PIEZO1: variants seen among roughly 807,000 people sequenced by gnomAD.
PIEZO1 encodes the protein piezo-type mechanosensitive ion channel component 1.
In PIEZO1, 296 loss-of-function variants were observed where a neutral mutation model predicts 297.2. That is an observed-to-expected ratio of 1.00 (90% confidence interval 0.91 to 1.10). PIEZO1 has a LOEUF of 1.10. Ranked by LOEUF, PIEZO1 falls within the 50% of genes least tolerant of loss-of-function variation. The probability of loss-of-function intolerance (pLI) is 0.00; values close to 1 mark genes in which losing one functional copy is unlikely to be tolerated. For missense variants in PIEZO1, 5,018 were observed against 3,455.5 expected (o/e 1.45, Z -11.34); for synonymous variants, 2,427 against 1,507.5 (o/e 1.61, Z -14.13).
chr16:88,720,836 C>CAG, intron 39 of PIEZO1, 88 bp from the exon 40 acceptor site: 1 of 1,356,752 alleles, frequency 7.4e-7, no homozygotes, highest in Non-Finnish European at 9.7e-7. Flanking sequence ...CTGGCATTCT[C>CAG]CCTGTTTGAC....
At chr16:88,745,777 G>A (rs1224551526) in intron 2 of PIEZO1, 1 of 151,872 alleles carries the variant, frequency 6.6e-6, no homozygotes, top group Admixed American at 6.6e-5. Flanking sequence ...AGGGGCCGGG[G>A]CTCCCCCTCC....
chr16:88,762,190 G>A (rs1906962393), intron 1 of PIEZO1, among the ~76,000 whole-genome samples: 1 of 152,196 alleles, frequency 6.6e-6, no homozygotes, highest in Admixed American at 6.5e-5. Flanking sequence ...TCTGTGAGCA[G>A]CAAGGTCTCC....
At chr16:88,748,080 C>A (rs529935628) in intron 2 of PIEZO1, among the ~76,000 whole-genome samples, 1 of 152,234 alleles carries the variant, frequency 6.6e-6, no homozygotes, top group Non-Finnish European at 1.5e-5. Context: ...ACAGTCACGC[C>A]CCCTGGTCCT....
chr16:88,744,752 C>T (rs951976425), intron 2 of PIEZO1, among the ~76,000 whole-genome samples: 1 of 152,004 alleles, frequency 6.6e-6, no homozygotes, highest in African/African-American at 2.4e-5. Context: ...TCCGCAGGGT[C>T]GAAGGGGCCG....
In PIEZO1 at chr16:88,720,300, A is replaced by C; in HGVS notation, c.5950-17T>G. ...CGAGTGCTTCTGTGGCCAGGAGAGCACAGGTCAGGGGGAGCCAAGCCCAGG... is the reference window on the plus strand; with the variant it reads ...CGAGTGCTTCTGTGGCCAGGAGAGCCCAGGTCAGGGGGAGCCAAGCCCAGG... On this transcript the variant is annotated splice_polypyrimidine_tract_variant and intron_variant, in intron 41 of 50. Coordinates refer to ENST00000301015, the MANE Select transcript of PIEZO1 (RefSeq NM_001142864.4). 1 of 1,550,306 alleles carries C rather than the reference A, an allele frequency of 6.5e-7. No individual in the cohort carries two copies. The highest frequency in any genetic ancestry group is 1.2e-5 in the South Asian group (1 of 84,068).
At position 88,722,843 on chromosome 16, in the gene PIEZO1, G is replaced by T; in HGVS notation, c.4662C>A (p.Leu1554=). The change falls in exon 34 of 51, where the codon CTC becomes CTA. Residue 1554 remains leucine (L), a synonymous_variant. Transcript: ENST00000301015. ...RAERYLLTQE[L]LQGGEVHRGV... ...GGTGCACGGGCAGGCTCACCTGCAG[G>T]AGCTCCTGTGTGAGGAGGTAGCGCT... The T allele has an allele frequency of 6.5e-7, 1 of 1,545,920 alleles. No homozygotes were observed. Among genetic ancestry groups the T allele is most frequent in the Non-Finnish European group, 8.7e-7 (1 of 1,146,604 alleles).
chr16:88,732,821 C>G, intron 19 of PIEZO1, 89 bp from the exon 20 acceptor site: 1 of 1,318,610 alleles, frequency 7.6e-7, no homozygotes, highest in Non-Finnish European at 1.0e-6. Context: ...AGCTCTGGGG[C>G]AGGTCCACTG....
intron 29 of PIEZO1, 64 bp downstream of exon 29, chr16:88,725,352 C>G: frequency 9.8e-7 from 1 of 1,016,452 alleles, no homozygotes; most frequent in Non-Finnish European, 1.4e-6. Flanking sequence ...AGACGCAGCA[C>G]ACGCCAGCAG....
chr16:88,738,304 G>T lies in PIEZO1; in HGVS notation c.771C>A (p.Ala257=). 2 of 1,535,860 alleles carry T rather than the reference G, an allele frequency of 1.3e-6. No individual in the cohort carries two copies. Among genetic ancestry groups the T allele is most frequent in the Non-Finnish European group, 8.7e-7 (1 of 1,146,828 alleles). ...AGCAGTAGAGGCAGATGAGATGGCC[G>T]GCGCCGAAGCACCCCACCGCGACGC... ...RLCVAVGCFG[A]GHLICLYCYQ... is the part of the protein sequence containing the mutation. The change falls in exon 7 of 51, where the codon GCC becomes GCA. Residue 257 remains alanine, a synonymous_variant. Coordinates refer to ENST00000301015, the MANE Select transcript of PIEZO1 (RefSeq NM_001142864.4).
chr16:88,782,754 C>A (rs574040898), intron 1 of PIEZO1, among the ~76,000 whole-genome samples: 3 of 152,348 alleles, frequency 2.0e-5, no homozygotes, highest in African/African-American at 7.2e-5. Context: ...TGTCCCACCT[C>A]CGGCCAGGCC....
In PIEZO1 at chr16:88,725,529, G is replaced by C; in HGVS notation, c.4059-10C>G. On this transcript the variant is annotated splice_polypyrimidine_tract_variant and intron_variant, in intron 28 of 50. Transcript: ENST00000301015. ...ACGGATACGCTCCATCCTGTGGTGG[G>C]GAAAGGTGGGGTATGCTGAGCATTG... The C allele has an allele frequency of 2.6e-6, 4 of 1,537,280 alleles. No homozygotes were observed. Among genetic ancestry groups the C allele is most frequent in the Non-Finnish European group, 3.5e-6 (4 of 1,138,166 alleles).
chr16:88,723,191 G>A (rs1266271944), intron 32 of PIEZO1, 35 bp downstream of exon 32: 3 of 1,549,132 alleles, frequency 1.9e-6, no homozygotes, highest in African/African-American at 1.4e-5. Flanking sequence ...CAGTCCCGCG[G>A]CTTCCCCTCA....
chr16:88,785,104 G>T lies in PIEZO1; in HGVS notation c.-140C>A, dbSNP rs1033892073. The T allele has an allele frequency of 6.9e-6, 3 of 435,616 alleles. No homozygotes were observed. The highest frequency in any genetic ancestry group is 1.0e-5 in the Non-Finnish European group (3 of 286,764). The allele number at this position is 435,616 out of a possible 1,614,324, so 27.0% of individuals were successfully genotyped here. A position where few individuals can be genotyped will look rare whatever the true frequency, so the allele number is the denominator to read the frequency against. ...CTTCTCCTCTTCCTCCTTCTCCTTC[G>T]GCCGCCCCGCCGGTGCCGACGTCCC... is the stretch of plus-strand genomic sequence containing the variant. On this transcript the variant is annotated 5_prime_UTR_variant, in exon 1 of 51. Transcript: ENST00000301015.
intron 19 of PIEZO1, 117 bp downstream of exon 19, chr16:88,733,161 A>C (rs1255062533): frequency 1.0e-6 from 1 of 970,594 alleles, no homozygotes; most frequent in Non-Finnish European, 1.5e-6. Context: ...CCCAGGGGAG[A>C]GTCCTCCATC....
At chr16:88,774,459 C>G (rs943829056) in intron 1 of PIEZO1, among the ~76,000 whole-genome samples, 21 of 152,206 alleles carry the variant, frequency 1.4e-4, no homozygotes, top group African/African-American at 4.8e-4. Context: ...AAGGGGAAAA[C>G]AGGACCCAGC....
chr16:88,776,058 A>C (rs532694926), intron 1 of PIEZO1, among the ~76,000 whole-genome samples: 1 of 152,322 alleles, frequency 6.6e-6, no homozygotes, highest in Non-Finnish European at 1.5e-5. Flanking sequence ...ACGGGCTACA[A>C]GCTGGGGAGC....
intron 23 of PIEZO1, 34 bp downstream of exon 23, chr16:88,727,523 C>T (rs781715911): frequency 7.5e-5 from 61 of 813,988 alleles, no homozygotes; most frequent in Non-Finnish European, 1.0e-4. Context: ...TCTGAGGGTC[C>T]TCTGCAGAGG....
In PIEZO1 at chr16:88,749,110, G is replaced by T. The variant is rs559405708; in HGVS notation, c.160+274C>A. 3.2e-4 allele frequency among the ~76,000 whole-genome samples: 48 copies of T among 151,608 alleles called. No individual in the cohort carries two copies. In the East Asian group the frequency reaches 7.0e-3, roughly 22 times the overall value. ...AAAAAATAAGCCAGGCGTGGTGGCG[G>T]GCGCCTGTAGTCCCAGCTACCCGGG... On this transcript the variant is annotated intron_variant, in intron 2 of 50. Transcript: ENST00000301015.
intron 36 of PIEZO1, 35 bp downstream of exon 36, chr16:88,722,183 T>G (rs528041448): frequency 7.8e-6 from 12 of 1,534,818 alleles, no homozygotes; most frequent in Non-Finnish European, 1.1e-5. Flanking sequence ...CCGAGGGCCA[T>G]GGTGAGGCTG....
Sources: gnomAD v4.1 joint callset for allele counts (sites outside exome capture counted in the v4.1 genomes callset) on GRCh38, gnomAD v4.1.1 for gene constraint, MANE v1.5 for transcripts, NCBI Gene and HGNC (gene_info 2026-07-23, HGNC 2026-07-21) for gene names.